CLEC18A: variants seen among roughly 807,000 people sequenced by gnomAD.
The protein encoded by CLEC18A is C-type lectin domain family 18 member A.
CLEC18A carries 5 observed loss-of-function variants against 24.0 expected under a neutral mutation model. That is an observed-to-expected ratio of 0.21 (90% CI 0.11 to 0.44). The LOEUF (loss-of-function observed/expected upper bound fraction) is 0.44. Among genes scored for constraint, CLEC18A ranks in the 20% least tolerant of loss-of-function variants. CLEC18A has a pLI of 0.99. For missense variants in CLEC18A, 83 were observed against 233.4 expected, an observed-to-expected ratio of 0.36 and a Z score of 4.20; for synonymous variants, 29 against 100.1, an observed-to-expected ratio of 0.29 and a Z score of 4.24.
intron 3 of CLEC18A, among the ~76,000 whole-genome samples, chr16:69,956,524 TTTTTGTA>T (rs1463795358): frequency 9.4e-6 from 1 of 106,460 alleles, no homozygotes. Flanking sequence ...CCCGGCTATT[TTTTTGTA>T]TTTTGTTTAG....
intron 3 of CLEC18A, 57 bp downstream of exon 3, chr16:69,954,630 G>C: frequency 6.2e-7 from 1 of 1,600,054 alleles, no homozygotes. Context: ...ACTTCCACTG[G>C]GCCATCTCAG....
the CLEC18A span, among the ~76,000 whole-genome samples, chr16:69,945,314 T>C: frequency 9.9e-5 from 15 of 151,624 alleles, no homozygotes; most frequent in African/African-American, 3.2e-4. Context: ...AAATGTAAGT[T>C]TTTTCCTGTA....
intron 2 of CLEC18A, 87 bp from the exon 3 acceptor site, chr16:69,954,247 G>A (rs1339097639): frequency 6.5e-7 from 1 of 1,528,530 alleles, no homozygotes; most frequent in African/African-American, 1.4e-5. Flanking sequence ...CCCGGTGGAT[G>A]CTCAGAGATG....
chr16:69,948,937 A>C (rs1597203728), upstream of CLEC18A, among the ~76,000 whole-genome samples: 1 of 24,666 alleles, frequency 4.1e-5, no homozygotes, highest in Admixed American at 7.0e-4. Flanking sequence ...CTCTCCTGGG[A>C]CTCTTTTTTT....
chr16:69,954,780 C>A (rs1489207366), intron 3 of CLEC18A, among the ~76,000 whole-genome samples: 1 of 152,094 alleles, frequency 6.6e-6, no homozygotes, highest in Non-Finnish European at 1.5e-5. Context: ...TCACTGCAAC[C>A]TCCGCCTCCT....
rs1234770975 is a variant in CLEC18A at position 69,952,145 on chromosome 16, TGGGCTCTGCCAGGG to T, written c.216+23_216+36del. ...GAGGCTGGTGAGTACCCGACCCAGC[TGGGCTCTGCCAGGG>T]GGGTGGCCGGAGGCGCGGACCCCAG... On this transcript the variant is annotated intron_variant, in intron 2 of 11. Transcript: ENST00000288040. 5.7e-6 allele frequency: 3 copies of T among 522,308 alleles called. No individual in the cohort carries two copies. The highest frequency in any genetic ancestry group is 3.7e-5 in the Admixed American group (1 of 27,204). 32.4% of individuals were successfully genotyped at this position (522,308 alleles called of 1,614,324 possible).
intron 3 of CLEC18A, among the ~76,000 whole-genome samples, chr16:69,956,218 G>T (rs887143442): frequency 7.0e-6 from 1 of 142,258 alleles, no homozygotes; most frequent in Admixed American, 6.9e-5. Context: ...TTGCACTCCA[G>T]CCTGGGCAGC....
chr16:69,954,407 C>T lies in CLEC18A; in HGVS notation c.290C>T (p.Ala97Val), dbSNP rs777323561. The T allele has an allele frequency of 9.3e-6, 15 of 1,610,414 alleles. No individual in the cohort carries two copies. In the East Asian group the frequency reaches 1.1e-4, roughly 12 times the overall value. ...TGTGGAACCCCAACCCCGAGCCTGG[C>T]GTCCGGCCTGTGGCGCACCCTGCAA... Reference protein sequence around the residue: ...ALCGTPTPSLASGLWRTLQVG... With the variant: ...ALCGTPTPSLVSGLWRTLQVG... The change falls in exon 3 of 12, where the codon GCG becomes GTG. Residue 97 changes from alanine to valine, a missense_variant. Transcript: ENST00000288040.
upstream of CLEC18A, among the ~76,000 whole-genome samples, chr16:69,948,379 T>G (rs907697648): frequency 2.3e-4 from 32 of 138,012 alleles, no homozygotes; most frequent in Non-Finnish European, 3.6e-4. Context: ...TAAATGTTTT[T>G]TTTGTTTGTT....
At chr16:69,957,059 CTTTT>C (rs2059047137) in intron 3 of CLEC18A, among the ~76,000 whole-genome samples, 1 of 151,664 alleles carries the variant, frequency 6.6e-6, no homozygotes, top group African/African-American at 2.4e-5. Flanking sequence ...CATTTTAAAT[CTTTT>C]TTTGTTTCTA....
the CLEC18A span, among the ~76,000 whole-genome samples, chr16:69,944,401 G>A: frequency 6.6e-6 from 1 of 152,052 alleles, no homozygotes; most frequent in Non-Finnish European, 1.5e-5. Context: ...TCATGAACCA[G>A]ACTTTGAAAC....
At chr16:69,948,534 G>C (rs553775588), upstream of CLEC18A, among the ~76,000 whole-genome samples, 1 of 151,950 alleles carries the variant, frequency 6.6e-6, no homozygotes, top group Non-Finnish European at 1.5e-5. Flanking sequence ...GAGCTGGAGA[G>C]GGGTGGGATA....
At position 69,962,922 on chromosome 16, in the gene CLEC18A, C is replaced by T; in HGVS notation, c.1212-54C>T. 7.9e-6 allele frequency: 11 copies of T among 1,386,556 alleles called. 3 individuals are homozygous for T. Among genetic ancestry groups the T allele is most frequent in the Middle Eastern group, 1.8e-4 (1 of 5,430 alleles). The allele number at this position is 1,386,556 out of a possible 1,614,324, so 85.9% of individuals were successfully genotyped here. On this transcript the variant is annotated intron_variant, in intron 10 of 11. Transcript: ENST00000288040. ...CCTGATGGGTGGAGGGCTTAGGCCT[C>T]TCCCGGTCCCTGACTTCACTCTTGC... is the stretch of plus-strand genomic sequence containing the variant.
chr16:69,964,793 G>T (rs1959314405), downstream of CLEC18A, among the ~76,000 whole-genome samples: 1 of 151,366 alleles, frequency 6.6e-6, no homozygotes, highest in Non-Finnish European at 1.5e-5. Context: ...GTGAGCCACC[G>T]CGCCCGGCCC....
At chr16:69,966,593 G>C, downstream of CLEC18A, among the ~76,000 whole-genome samples, 1 of 136,452 alleles carries the variant, frequency 7.3e-6, no homozygotes, top group Non-Finnish European at 1.5e-5. Context: ...CCCTTCTTTA[G>C]CATATAATCA....
intron 10 of CLEC18A, chr16:69,962,690 G>A: frequency 1.7e-6 from 1 of 572,784 alleles, no homozygotes; most frequent in East Asian, 2.9e-5. Flanking sequence ...TGGGTTCCCA[G>A]GTGTACCTCT....
intron 2 of CLEC18A, among the ~76,000 whole-genome samples, chr16:69,953,963 G>A (rs1361039715): frequency 2.6e-4 from 39 of 149,144 alleles, no homozygotes; most frequent in Admixed American, 2.5e-3. Context: ...GCATGGCCGG[G>A]TGGGAGCAGT....
rs1597216494 is a variant in CLEC18A at position 69,963,707 on chromosome 16, A to G, written c.*96A>G. The G allele has an allele frequency of 1.6e-6, 2 of 1,244,248 alleles. 1 individual carries two copies. The highest frequency in any genetic ancestry group is 5.3e-4 in the Middle Eastern group (2 of 3,750). 77.1% of individuals were successfully genotyped at this position (1,244,248 alleles called of 1,614,324 possible). A position where few individuals can be genotyped will look rare whatever the true frequency, so the allele number is the denominator to read the frequency against. On this transcript the variant is annotated 3_prime_UTR_variant, in exon 12 of 12. Coordinates refer to ENST00000288040, the MANE Select transcript of CLEC18A (RefSeq NM_001370523.4). The stretch of plus-strand genomic sequence containing the variant: ...GGAACAAGGGCCAGGTTAAGATCAC[A>G]TGCCTCATGTCCAAAGAGGTCTCAG...
intron 3 of CLEC18A, among the ~76,000 whole-genome samples, chr16:69,957,178 T>C (rs1472284150): frequency 1.4e-5 from 2 of 147,670 alleles, no homozygotes; most frequent in Non-Finnish European, 3.0e-5. Context: ...TTTTGTTTGT[T>C]TTGAGACATG....
Sources: gnomAD v4.1 joint callset for allele counts (sites outside exome capture counted in the v4.1 genomes callset) on GRCh38, gnomAD v4.1.1 for gene constraint, MANE v1.5 for transcripts, NCBI Gene and HGNC (gene_info 2026-07-23, HGNC 2026-07-21) for gene names.